The following SULT1B1 variants were observed in gnomAD, a reference collection of about 807,000 sequenced individuals.
SULT1B1 encodes the protein sulfotransferase family 1B member 1.
A neutral mutation model predicts 34.6 loss-of-function variants in SULT1B1; 28 were observed. The ratio of observed to expected loss-of-function variants is 0.81; its 90% CI spans 0.60 to 1.11. The LOEUF (loss-of-function observed/expected upper bound fraction) is 1.11, where lower values mean the gene tolerates loss of function less well. Ranked by LOEUF, SULT1B1 falls within the 50% of genes least tolerant of loss-of-function variation. SULT1B1 has a pLI of 0.00. For synonymous variants in SULT1B1, 147 were observed against 110.2 expected (o/e 1.33, Z -2.09); for missense variants, 374 against 352.2 (o/e 1.06, Z -0.50).
rs369632806 is a variant in SULT1B1 at position 69,734,335 on chromosome 4, A to C, written c.376-71T>G. ...ATTTTGTTTAGGAAAAAATTAACCT[A>C]TACGCATGTAAAAAAGCAGAGTACT... On this transcript the variant is annotated intron_variant, in intron 4 of 7. Coordinates refer to ENST00000310613, the MANE Select transcript of SULT1B1 (RefSeq NM_014465.4). The C allele has an allele frequency of 2.5e-5, 37 of 1,503,476 alleles. No individual in the cohort carries two copies. In the East Asian group the frequency reaches 5.2e-4, roughly 21 times the overall value. 93.1% of individuals were successfully genotyped at this position (1,503,476 alleles called of 1,614,324 possible).
At chr4:69,759,020 G>A (rs1719296340) in intron 1 of SULT1B1, among the ~76,000 whole-genome samples, 1 of 152,288 alleles carries the variant, frequency 6.6e-6, no homozygotes, top group South Asian at 2.1e-4. Flanking sequence ...TAAAACTTGA[G>A]CAAATGACTT....
Position 69,745,199 on chromosome 4 carries a change from T to C in SULT1B1, c.375+4522A>G, listed in dbSNP as rs529095742. Among the ~76,000 whole-genome samples the C allele has an allele frequency of 8.5e-4, 130 of 152,294 alleles. 1 individual carries two copies. The highest frequency in any genetic ancestry group is 1.7e-3 in the South Asian group (8 of 4,828). On this transcript the variant is annotated intron_variant, in intron 4 of 7. Transcript: ENST00000310613. ...ATGTGCCATCTGCAGATGAGAAGAA[T>C]GTATATTTTGTTGTTGGGTAGATGT...
intron 6 of SULT1B1, among the ~76,000 whole-genome samples, chr4:69,731,009 T>C (rs4694031): frequency 0.98 from 149,133 of 152,266 alleles, 73,103 homozygotes; most frequent in East Asian, 1. Flanking sequence ...TAGGAAAACA[T>C]ATAGATGGAC....
rs1717689143 is a variant in SULT1B1 at position 69,722,559 on chromosome 4, G to A, written c.*4529C>T. 6.6e-6 allele frequency: 1 copy of A among 151,998 alleles called. No homozygotes were observed. Among genetic ancestry groups the A allele is most frequent in the African/African-American group, 2.4e-5 (1 of 41,398 alleles). The allele number at this position is 151,998 out of a possible 1,614,324, so 9.4% of individuals were successfully genotyped here. A position where few individuals can be genotyped will look rare whatever the true frequency, so the allele number is the denominator to read the frequency against. ...AACTCCTATAAAATATGTTTCTGTGGAACATAAACACAAATTATATACTCT... is the reference window on the plus strand; with the variant it reads ...AACTCCTATAAAATATGTTTCTGTGAAACATAAACACAAATTATATACTCT... On this transcript the variant is annotated 3_prime_UTR_variant, in exon 8 of 8. Coordinates refer to ENST00000310613, the MANE Select transcript of SULT1B1 (RefSeq NM_014465.4).
In SULT1B1 at chr4:69,725,974, A is replaced by G. The variant is rs2110014596; in HGVS notation, c.*1114T>C. On this transcript the variant is annotated 3_prime_UTR_variant, in exon 8 of 8. Transcript: ENST00000310613. Reference sequence around the variant, plus strand: ...CAACATGGCACATGTATGCATATATAACAAACCTGCACATTGTGCACATGT... The same window carrying G: ...CAACATGGCACATGTATGCATATATGACAAACCTGCACATTGTGCACATGT... 1 of 145,782 alleles carries G rather than the reference A, an allele frequency of 6.9e-6. No individual in the cohort carries two copies. The highest frequency in any genetic ancestry group is 2.2e-4 in the South Asian group (1 of 4,482). 9.0% of individuals were successfully genotyped at this position (145,782 alleles called of 1,614,324 possible).
chr4:69,745,661 C>G (rs147003554), intron 4 of SULT1B1, among the ~76,000 whole-genome samples: 4 of 152,128 alleles, frequency 2.6e-5, no homozygotes, highest in African/African-American at 9.7e-5. Context: ...CTTCTTTATC[C>G]AACTTGCCAG....
At position 69,725,239 on chromosome 4, in the gene SULT1B1, A is replaced by C. The variant is rs973022909; in HGVS notation, c.*1849T>G. 1 of 152,226 alleles carries C rather than the reference A, an allele frequency of 6.6e-6. No individual in the cohort carries two copies. The highest frequency in any genetic ancestry group is 6.5e-5 in the Admixed American group (1 of 15,284). 9.4% of individuals were successfully genotyped at this position (152,226 alleles called of 1,614,324 possible). ...ATGAACAGATACTTCTCAAAAGAAGACATTTATGCAGCCAACAGACACATG... is the reference window on the plus strand; with the variant it reads ...ATGAACAGATACTTCTCAAAAGAAGCCATTTATGCAGCCAACAGACACATG... On this transcript the variant is annotated 3_prime_UTR_variant, in exon 8 of 8. Coordinates refer to ENST00000310613, the MANE Select transcript of SULT1B1 (RefSeq NM_014465.4).
intron 4 of SULT1B1, among the ~76,000 whole-genome samples, chr4:69,745,718 A>G (rs1718723302): frequency 6.6e-6 from 1 of 152,204 alleles, no homozygotes; most frequent in Non-Finnish European, 1.5e-5. Context: ...ATTCCAGATC[A>G]AAATTCATAT....
intron 6 of SULT1B1, among the ~76,000 whole-genome samples, chr4:69,732,412 T>C (rs1340361844): frequency 6.6e-6 from 1 of 152,154 alleles, no homozygotes; most frequent in Non-Finnish European, 1.5e-5. Flanking sequence ...ATTAATGCCA[T>C]TAAAGTTTTG....
At position 69,724,480 on chromosome 4, in the gene SULT1B1, T is replaced by G. The variant is rs529888638; in HGVS notation, c.*2608A>C. ...TTTATAGATTCAATGCCATCCCCAT[T>G]AAGCTACCAATGACTTTCTTCACAG... On this transcript the variant is annotated 3_prime_UTR_variant, in exon 8 of 8. Transcript: ENST00000310613. The G allele has an allele frequency of 6.6e-6, 1 of 152,214 alleles. No homozygotes were observed. Among genetic ancestry groups the G allele is most frequent in the East Asian group, 1.9e-4 (1 of 5,184 alleles). 9.4% of individuals were successfully genotyped at this position (152,214 alleles called of 1,614,324 possible).
Position 69,722,675 on chromosome 4 carries a change from C to A in SULT1B1, c.*4413G>T, listed in dbSNP as rs541254581. 6.6e-6 allele frequency: 1 copy of A among 152,040 alleles called. No homozygotes were observed. The highest frequency in any genetic ancestry group is 1.5e-5 in the Non-Finnish European group (1 of 68,006). 9.4% of individuals were successfully genotyped at this position (152,040 alleles called of 1,614,324 possible). A position where few individuals can be genotyped will look rare whatever the true frequency, so the allele number is the denominator to read the frequency against. On this transcript the variant is annotated 3_prime_UTR_variant, in exon 8 of 8. Transcript: ENST00000310613. Reference sequence around the variant, plus strand: ...ACTACTTCTATGAGGTTTGTTGTTACCACTAGACCAATCCTTTGCTGGGGT... The same window carrying A: ...ACTACTTCTATGAGGTTTGTTGTTAACACTAGACCAATCCTTTGCTGGGGT...
At chr4:69,754,976 C>G (rs1452976573) in intron 2 of SULT1B1, 94 bp downstream of exon 2, 1 of 1,309,900 alleles carries the variant, frequency 7.6e-7, no homozygotes, top group Non-Finnish European at 1.1e-6. Context: ...TGAATATTAA[C>G]TTTATTTAGA....
intron 3 of SULT1B1, among the ~76,000 whole-genome samples, chr4:69,752,013 A>G (rs925720566): frequency 6.6e-6 from 1 of 152,236 alleles, no homozygotes; most frequent in Admixed American, 6.5e-5. Flanking sequence ...CTTTCCAAGG[A>G]TAGGCATGTT....
At chr4:69,733,161 T>G (rs1256726846) in intron 6 of SULT1B1, among the ~76,000 whole-genome samples, 1 of 152,066 alleles carries the variant, frequency 6.6e-6, no homozygotes, top group African/African-American at 2.4e-5. Context: ...CTGGTAAATA[T>G]AGGAAATAAT....
intron 4 of SULT1B1, among the ~76,000 whole-genome samples, chr4:69,742,701 T>C (rs1381486723): frequency 6.6e-6 from 1 of 152,190 alleles, no homozygotes; most frequent in East Asian, 1.9e-4. Context: ...CTCCGATCAC[T>C]CAGCCTTGCA....
rs1717691367 is a variant in SULT1B1, at chr4:69,722,640, T to A, written c.*4448A>T. The A allele has an allele frequency of 6.6e-6, 1 of 152,110 alleles. No homozygotes were observed. Among genetic ancestry groups the A allele is most frequent in the Non-Finnish European group, 1.5e-5 (1 of 68,016 alleles). 9.4% of individuals were successfully genotyped at this position (152,110 alleles called of 1,614,324 possible). A position where few individuals can be genotyped will look rare whatever the true frequency, so the allele number is the denominator to read the frequency against. On this transcript the variant is annotated 3_prime_UTR_variant, in exon 8 of 8. Coordinates refer to ENST00000310613, the MANE Select transcript of SULT1B1 (RefSeq NM_014465.4). Reference sequence around the variant, plus strand: ...TCTATAGAAGCAAGTATCTCCAGAATAATAGGTGTACTACTTCTATGAGGT... The same window carrying A: ...TCTATAGAAGCAAGTATCTCCAGAAAAATAGGTGTACTACTTCTATGAGGT...
Position 69,723,931 on chromosome 4 carries a change from A to T in SULT1B1, c.*3157T>A, listed in dbSNP as rs1717728528. On this transcript the variant is annotated 3_prime_UTR_variant, in exon 8 of 8. Transcript: ENST00000310613. The stretch of plus-strand genomic sequence containing the variant: ...CCAGCCAATATCATACTGCATGGGC[A>T]AAACCTGGAAGCATTCCCTTTGAAA... 6.6e-6 allele frequency: 1 copy of T among 152,324 alleles called. No individual in the cohort carries two copies. Among genetic ancestry groups the T allele is most frequent in the Non-Finnish European group, 1.5e-5 (1 of 68,110 alleles). 9.4% of individuals were successfully genotyped at this position (152,324 alleles called of 1,614,324 possible). A position where few individuals can be genotyped will look rare whatever the true frequency, so the allele number is the denominator to read the frequency against.
At chr4:69,727,623 C>T (rs1204070133) in intron 7 of SULT1B1, among the ~76,000 whole-genome samples, 1 of 151,880 alleles carries the variant, frequency 6.6e-6, no homozygotes, top group African/African-American at 2.4e-5. Context: ...TAGTCATCAG[C>T]ACAGCAAAAC....
At chr4:69,729,556 T>A (rs548301152) in intron 7 of SULT1B1, among the ~76,000 whole-genome samples, 1 of 152,266 alleles carries the variant, frequency 6.6e-6, no homozygotes, top group East Asian at 1.9e-4. Context: ...TTATTTTTAA[T>A]AGGTTAAATA....
Sources: allele counts gnomAD v4.1 joint callset (sites outside exome capture counted in the v4.1 genomes callset), GRCh38; gene constraint gnomAD v4.1.1; transcripts MANE v1.5; gene names NCBI Gene and HGNC (gene_info 2026-07-23, HGNC 2026-07-21).